The following CNTNAP2 variants were observed in gnomAD, a reference collection of about 807,000 sequenced individuals.
CNTNAP2 encodes the protein contactin-associated protein-like 2.
Under a neutral mutation model 155.2 loss-of-function variants are expected in CNTNAP2, and 98 were observed. That is an observed-to-expected ratio of 0.63 (90% confidence interval 0.54 to 0.75). The LOEUF (loss-of-function observed/expected upper bound fraction) is 0.75. Ranked by LOEUF, CNTNAP2 falls within the 30% of genes least tolerant of loss-of-function variation. CNTNAP2 has a pLI of 0.00. For synonymous variants in CNTNAP2, 651 were observed against 631.2 expected (o/e 1.03, Z -0.47); for missense variants, 1,727 against 1,688.1 (o/e 1.02, Z -0.40).
At position 147,677,624 on chromosome 7, in the gene CNTNAP2, G is replaced by C. The variant is rs557632903; in HGVS notation, c.2098+38318G>C. On this transcript the variant is annotated intron_variant, in intron 13 of 23. Transcript: ENST00000361727. The stretch of plus-strand genomic sequence containing the variant: ...ATGTCATGTAGCTTTTTTTTCTATG[G>C]TTTTTCAACGAGTTTCACAGTTTGG... Among the ~76,000 whole-genome samples the C allele has an allele frequency of 1.1e-4, 16 of 151,392 alleles. No individual in the cohort carries two copies. In the East Asian group the frequency reaches 1.7e-3, roughly 17 times the overall value.
intron 1 of CNTNAP2, among the ~76,000 whole-genome samples, chr7:146,585,018 C>A (rs1798666008): frequency 6.6e-6 from 1 of 152,290 alleles, no homozygotes; most frequent in South Asian, 2.1e-4. Flanking sequence ...AAGCATAAGT[C>A]CCATCTGAGC....
At chr7:148,300,259 A>G (rs1014589991) in intron 21 of CNTNAP2, among the ~76,000 whole-genome samples, 4 of 152,230 alleles carry the variant, frequency 2.6e-5, no homozygotes, top group African/African-American at 9.6e-5. Flanking sequence ...TTAAGGGACA[A>G]CCTTATGTTA....
intron 13 of CNTNAP2, among the ~76,000 whole-genome samples, chr7:147,870,132 G>T (rs1006771280): frequency 1.3e-5 from 2 of 152,150 alleles, no homozygotes; most frequent in Non-Finnish European, 2.9e-5. Context: ...AGAAGCAGAT[G>T]CCAAGACAAG....
At position 146,498,416 on chromosome 7, in the gene CNTNAP2, T is replaced by C. The variant is rs1237114347; in HGVS notation, c.98-275855T>C. Reference sequence around the variant, plus strand: ...ACTCCATTTTTAGCAGAAATAACTATAGATTGCAATGCTTGAAACCAGGTT... The same window carrying C: ...ACTCCATTTTTAGCAGAAATAACTACAGATTGCAATGCTTGAAACCAGGTT... On this transcript the variant is annotated intron_variant, in intron 1 of 23. Coordinates refer to ENST00000361727, the MANE Select transcript of CNTNAP2 (RefSeq NM_014141.6). Among the ~76,000 whole-genome samples the C allele has an allele frequency of 3.9e-5, 6 of 152,304 alleles. No individual in the cohort carries two copies. In the South Asian group the frequency reaches 6.2e-4, roughly 16 times the overall value.
chr7:148,332,287 A>G (rs1259542588), intron 21 of CNTNAP2, among the ~76,000 whole-genome samples: 1 of 152,124 alleles, frequency 6.6e-6, no homozygotes. Context: ...AAAGCCATGT[A>G]TGCTTTATTT....
chr7:147,347,903 G>A (rs1421083507), intron 9 of CNTNAP2, among the ~76,000 whole-genome samples: 2 of 152,014 alleles, frequency 1.3e-5, no homozygotes, highest in Non-Finnish European at 2.9e-5. Context: ...GCTGGTTTAT[G>A]ACAAACATGC....
At chr7:148,192,871 A>G (rs1795222745) in intron 18 of CNTNAP2, among the ~76,000 whole-genome samples, 1 of 152,192 alleles carries the variant, frequency 6.6e-6, no homozygotes, top group Non-Finnish European at 1.5e-5. Flanking sequence ...AGTAGCAGAA[A>G]TGATTGAAAG....
intron 16 of CNTNAP2, among the ~76,000 whole-genome samples, chr7:148,143,962 A>G (rs1805125734): frequency 1.3e-5 from 2 of 152,202 alleles, no homozygotes; most frequent in Admixed American, 6.5e-5. Context: ...CTTTGCCTTC[A>G]TTAAATCCAG....
At chr7:148,027,050 G>A (rs1802388875) in intron 15 of CNTNAP2, among the ~76,000 whole-genome samples, 1 of 152,090 alleles carries the variant, frequency 6.6e-6, no homozygotes, top group South Asian at 2.1e-4. Context: ...AGGGACTTTG[G>A]ACCAACAGAT....
intron 4 of CNTNAP2, among the ~76,000 whole-genome samples, chr7:147,092,866 T>C (rs943249505): frequency 2.0e-5 from 3 of 152,136 alleles, no homozygotes; most frequent in Admixed American, 2.0e-4. Flanking sequence ...GAATGAGTGA[T>C]TGGCCTTTGT....
intron 1 of CNTNAP2, among the ~76,000 whole-genome samples, chr7:146,462,218 T>C (rs1796647744): frequency 6.6e-6 from 1 of 152,212 alleles, no homozygotes; most frequent in Non-Finnish European, 1.5e-5. Flanking sequence ...CACTGTTTTA[T>C]CTCTACTTAA....
intron 14 of CNTNAP2, among the ~76,000 whole-genome samples, chr7:147,932,689 A>G (rs1800527854): frequency 6.6e-6 from 1 of 152,206 alleles, no homozygotes; most frequent in Non-Finnish European, 1.5e-5. Context: ...CACAAACAAC[A>G]AAAGCAAAAA....
intron 3 of CNTNAP2, among the ~76,000 whole-genome samples, chr7:146,972,673 C>T (rs1005728793): frequency 6.6e-6 from 1 of 152,128 alleles, no homozygotes; most frequent in African/African-American, 2.4e-5. Context: ...TGTTTAGCTG[C>T]CTTGAATCTT....
chr7:147,925,316 A>G (rs1313934361), intron 14 of CNTNAP2, among the ~76,000 whole-genome samples: 1 of 151,636 alleles, frequency 6.6e-6, no homozygotes, highest in African/African-American at 2.4e-5. Flanking sequence ...ACACACACAC[A>G]CACACACACA....
intron 1 of CNTNAP2, among the ~76,000 whole-genome samples, chr7:146,168,513 A>G (rs575250084): frequency 7.2e-5 from 11 of 152,198 alleles, no homozygotes; most frequent in Non-Finnish European, 1.3e-4. Context: ...CCCTGTATGT[A>G]CCATCCTTAG....
At chr7:146,917,589 C>T (rs576726060) in intron 3 of CNTNAP2, among the ~76,000 whole-genome samples, 1 of 152,162 alleles carries the variant, frequency 6.6e-6, no homozygotes, top group South Asian at 2.1e-4. Flanking sequence ...TATGGTTTGG[C>T]TGTGCCCCCA....
intron 9 of CNTNAP2, among the ~76,000 whole-genome samples, chr7:147,313,025 T>C (rs1344176207): frequency 7.2e-6 from 1 of 138,184 alleles, no homozygotes; most frequent in Non-Finnish European, 1.5e-5. Flanking sequence ...ATGATGAGCA[T>C]TTTTTCATGT....
At chr7:146,698,660 C>A (rs1298230633) in intron 1 of CNTNAP2, among the ~76,000 whole-genome samples, 1 of 152,072 alleles carries the variant, frequency 6.6e-6, no homozygotes, top group Non-Finnish European at 1.5e-5. Flanking sequence ...TGTTGTCTGT[C>A]TTTGAATTCG....
intron 12 of CNTNAP2, among the ~76,000 whole-genome samples, chr7:147,623,505 C>T (rs2116896558): frequency 6.6e-6 from 1 of 152,004 alleles, no homozygotes; most frequent in East Asian, 1.9e-4. Context: ...ATCCCATTTA[C>T]AATAGCCACA....
Sources: allele counts gnomAD v4.1 joint callset (sites outside exome capture counted in the v4.1 genomes callset), GRCh38; gene constraint gnomAD v4.1.1; transcripts MANE v1.5; gene names NCBI Gene and HGNC (gene_info 2026-07-23, HGNC 2026-07-21).